The following SLC45A4 variants were observed in gnomAD, a reference collection of about 807,000 sequenced individuals.
SLC45A4 encodes the protein polyamine-transporter SLC45A4.
In SLC45A4, 32 loss-of-function variants were observed where a neutral mutation model predicts 63.7. That is an observed-to-expected ratio of 0.50 (90% CI 0.38 to 0.67). SLC45A4 has a LOEUF of 0.67. Among genes scored for constraint, SLC45A4 ranks in the 30% least tolerant of loss-of-function variants. The probability of loss-of-function intolerance (pLI) is 0.00; values close to 1 mark genes in which losing one functional copy is unlikely to be tolerated. For synonymous variants in SLC45A4, 535 were observed against 510.0 expected, an observed-to-expected ratio of 1.05 and a Z score of -0.66; for missense variants, 1,027 against 1,157.7, an observed-to-expected ratio of 0.89 and a Z score of 1.64.
intron 1 of SLC45A4, among the ~76,000 whole-genome samples, chr8:141,297,811 T>C (rs921945974): frequency 5.3e-5 from 8 of 152,250 alleles, no homozygotes; most frequent in Non-Finnish European, 1.2e-4. Context: ...AAAAAAACTG[T>C]TCCAATTTTA....
At chr8:141,214,727 T>G (rs1212457252) in intron 7 of SLC45A4, among the ~76,000 whole-genome samples, 1 of 151,974 alleles carries the variant, frequency 6.6e-6, no homozygotes, top group Non-Finnish European at 1.5e-5. Flanking sequence ...TGTGCAAGAA[T>G]AGAGAGACTA....
chr8:141,255,732 A>G (rs561138688), intron 1 of SLC45A4, among the ~76,000 whole-genome samples: 6 of 75,860 alleles, frequency 7.9e-5, no homozygotes, highest in Admixed American at 7.9e-4. Context: ...CAAAAACAAA[A>G]ACAAACAAAC....
At chr8:141,304,790 C>T (rs984158941) in intron 1 of SLC45A4, among the ~76,000 whole-genome samples, 2 of 152,298 alleles carry the variant, frequency 1.3e-5, no homozygotes, top group African/African-American at 4.8e-5. Flanking sequence ...ACAACAGCAA[C>T]CCATCCACGG....
In SLC45A4 at chr8:141,254,030, G is replaced by C; in HGVS notation, c.200C>G (p.Ala67Gly). Residue 67 changes from alanine to glycine, a missense_variant, in exon 2 of 9, where the codon GCC (alanine) becomes GGC (glycine). Ala to Gly is a moderately conservative substitution (Grantham distance 60, BLOSUM62 0). Coordinates refer to ENST00000517878, the MANE Select transcript of SLC45A4 (RefSeq NM_001286646.2). The surrounding 1 kb of genome is among the most constrained non-coding windows in gnomAD (Gnocchi z 4.5). The part of the protein sequence containing the change: ...AVMFGREFCY[A>G]METALVTPIL... ...TGGTGTGACCAGAGCGGTTTCCATG[G>C]CGTAACAGAACTCCCTGCCAAACAT... 6.5e-7 allele frequency: 1 copy of C among 1,536,146 alleles called. No homozygotes were observed.
At chr8:141,252,122 C>T (rs763872665) in intron 2 of SLC45A4, among the ~76,000 whole-genome samples, 8 of 151,416 alleles carry the variant, frequency 5.3e-5, no homozygotes, top group Non-Finnish European at 1.0e-4. Context: ...TAGAATAAAA[C>T]GGATGCTTCT....
Position 141,256,352 on chromosome 8 carries a change from CCAA to C in SLC45A4, c.-400-1726_-400-1724del. ...GGCCAATACCTTACTGAGAATTTTT[CCAA>C]CAACTGGTTTCAACAAAAATATTTC... is the stretch of plus-strand genomic sequence containing the variant. On this transcript the variant is annotated intron_variant, in intron 1 of 8. Coordinates refer to ENST00000517878, the MANE Select transcript of SLC45A4 (RefSeq NM_001286646.2). The surrounding 1 kb of genome is among the most constrained non-coding windows in gnomAD (Gnocchi z 4.3). The C allele has an allele frequency of 5.7e-6, 2 of 348,170 alleles. No individual in the cohort carries two copies. Among genetic ancestry groups the C allele is most frequent in the Non-Finnish European group, 1.1e-5 (2 of 174,572 alleles). The allele number at this position is 348,170 out of a possible 1,614,324, so 21.6% of individuals were successfully genotyped here. A position where few individuals can be genotyped will look rare whatever the true frequency, so the allele number is the denominator to read the frequency against.
At chr8:141,231,327 G>A (rs1464368887) in intron 2 of SLC45A4, among the ~76,000 whole-genome samples, 9 of 152,168 alleles carry the variant, frequency 5.9e-5, no homozygotes, top group African/African-American at 2.2e-4. Context: ...GCTGGGACAC[G>A]CAGGTCCCCG....
At chr8:141,251,520 G>A (rs111723544) in intron 2 of SLC45A4, among the ~76,000 whole-genome samples, 2,294 of 151,748 alleles carry the variant, frequency 0.015, 32 homozygotes, top group Non-Finnish European at 0.025. Flanking sequence ...GGATATGATA[G>A]GCACCCAAGG....
chr8:141,284,973 C>T (rs1483330821), intron 1 of SLC45A4, among the ~76,000 whole-genome samples: 2 of 148,076 alleles, frequency 1.4e-5, no homozygotes, highest in South Asian at 2.2e-4. Flanking sequence ...CTCCCTGGGG[C>T]CTCGGCCCCC....
chr8:141,242,926 G>A (rs532341712), intron 2 of SLC45A4, among the ~76,000 whole-genome samples: 1 of 152,354 alleles, frequency 6.6e-6, no homozygotes, highest in Admixed American at 6.5e-5. Context: ...GAGGCGACGG[G>A]ATTTTCAAAC....
intron 1 of SLC45A4, among the ~76,000 whole-genome samples, chr8:141,291,549 C>CA (rs1746022416): frequency 6.6e-6 from 1 of 152,216 alleles, no homozygotes. Flanking sequence ...CAGATCACTA[C>CA]AGAGCTATTT....
rs1281777719 is a variant in SLC45A4 at position 141,218,557 on chromosome 8, G to A, written c.1083C>T (p.Thr361=). 4 of 1,613,498 alleles carry A rather than the reference G, an allele frequency of 2.5e-6. No individual in the cohort carries two copies. The highest frequency in any genetic ancestry group is 3.3e-5 in the Admixed American group (2 of 60,014). Residue 361 remains threonine (T), a synonymous_variant, in exon 5 of 9, where the codon ACC becomes ACT. Transcript: ENST00000517878. ...CCTCCTTGGCGGCTTCCTTGAGGAA[G>A]GTGGCCAGGCGGGGCAGCTTGGTCT... ...LAKTKLPRLA[T]FLKEAAKEDE...
At chr8:141,258,825 A>G (rs892146435) in intron 1 of SLC45A4, among the ~76,000 whole-genome samples, 2 of 151,998 alleles carry the variant, frequency 1.3e-5, no homozygotes, top group Non-Finnish European at 2.9e-5. Flanking sequence ...CAGGAGTTCA[A>G]GGCTGAAGTA....
intron 1 of SLC45A4, among the ~76,000 whole-genome samples, chr8:141,286,745 C>T (rs1034786841): frequency 2.1e-4 from 31 of 145,230 alleles, no homozygotes; most frequent in African/African-American, 7.3e-4. Flanking sequence ...CCCGCCCCCC[C>T]GCTCCCCACC....
intron 1 of SLC45A4, among the ~76,000 whole-genome samples, chr8:141,286,505 G>A (rs1395237550): frequency 6.6e-6 from 1 of 152,162 alleles, no homozygotes; most frequent in Non-Finnish European, 1.5e-5. Context: ...TTCCAGATGA[G>A]GGCAGGTGCA....
At chr8:141,269,470 G>A (rs1017214292) in intron 1 of SLC45A4, among the ~76,000 whole-genome samples, 2 of 149,832 alleles carry the variant, frequency 1.3e-5, no homozygotes, top group African/African-American at 2.5e-5. Context: ...GTGTCTGTGT[G>A]TGTGTGTGTG....
chr8:141,302,468 G>C (rs1563686293), intron 1 of SLC45A4, among the ~76,000 whole-genome samples: 1 of 150,834 alleles, frequency 6.6e-6, no homozygotes, highest in African/African-American at 2.4e-5. Flanking sequence ...TAAGTAGCTG[G>C]GATTATAGGC....
intron 1 of SLC45A4, among the ~76,000 whole-genome samples, chr8:141,286,989 C>A (rs1337254162): frequency 6.6e-6 from 1 of 152,126 alleles, no homozygotes; most frequent in Non-Finnish European, 1.5e-5. Context: ...TTTTTATCAC[C>A]AAATCCTAAG....
At chr8:141,214,862 A>G (rs1208389024) in intron 7 of SLC45A4, among the ~76,000 whole-genome samples, 1 of 152,100 alleles carries the variant, frequency 6.6e-6, no homozygotes, top group African/African-American at 2.4e-5. Flanking sequence ...ATATGTAGGG[A>G]AAAAAATAAA....
Sources: allele counts gnomAD v4.1 joint callset (sites outside exome capture counted in the v4.1 genomes callset), GRCh38; gene constraint gnomAD v4.1.1; non-coding constraint Gnocchi (gnomAD v3.1); transcripts MANE v1.5; gene names NCBI Gene and HGNC (gene_info 2026-07-23, HGNC 2026-07-21).